The following GLYR1 variants were observed in gnomAD, a reference collection of about 807,000 sequenced individuals.
The protein encoded by GLYR1 is cytokine-like nuclear factor N-PAC.
In GLYR1, 21 loss-of-function variants were observed where a neutral mutation model predicts 72.7. That is an observed-to-expected ratio of 0.29 (90% CI 0.20 to 0.42). The LOEUF (loss-of-function observed/expected upper bound fraction) is 0.42, where lower values mean the gene tolerates loss of function less well. Ranked by LOEUF, GLYR1 falls within the 10% of genes least tolerant of loss-of-function variation. The pLI is 1.00. For synonymous variants in GLYR1, 392 were observed against 270.2 expected, an observed-to-expected ratio of 1.45 and a Z score of -4.42; for missense variants, 594 against 712.1, an observed-to-expected ratio of 0.83 and a Z score of 1.89.
At chr16:4,839,949 C>A (rs897039961) in intron 3 of GLYR1, 4 of 152,178 alleles carry the variant, frequency 2.6e-5, no homozygotes. Flanking sequence ...AGACCCTATC[C>A]ACCTGGGCCA....
At chr16:4,842,566 G>C (rs1567820257) in intron 3 of GLYR1, among the ~76,000 whole-genome samples, 1 of 152,278 alleles carries the variant, frequency 6.6e-6, no homozygotes, top group East Asian at 1.9e-4. Flanking sequence ...TTGCTATGTT[G>C]TCCAGGCTGG....
intron 10 of GLYR1, among the ~76,000 whole-genome samples, chr16:4,815,825 A>C (rs1280345674): frequency 2.0e-5 from 3 of 151,938 alleles, no homozygotes; most frequent in Non-Finnish European, 4.4e-5. Flanking sequence ...GCTGTCGCCC[A>C]GGATGGAGTG....
At chr16:4,823,766 C>G in intron 6 of GLYR1, 55 bp downstream of exon 6, 2 of 1,173,358 alleles carry the variant, frequency 1.7e-6, no homozygotes, top group Non-Finnish European at 2.5e-6. Flanking sequence ...AAAAGGATCA[C>G]ACAGGAACCT....
At chr16:4,837,185 C>T (rs2085192281) in intron 3 of GLYR1, among the ~76,000 whole-genome samples, 1 of 152,162 alleles carries the variant, frequency 6.6e-6, no homozygotes, top group Non-Finnish European at 1.5e-5. Context: ...GCCTGAATCC[C>T]AGCACCTTGG....
At chr16:4,821,258 C>A (rs2084004452) in intron 9 of GLYR1, 122 bp downstream of exon 9, 1 of 951,166 alleles carries the variant, frequency 1.1e-6, no homozygotes, top group East Asian at 2.4e-5. Flanking sequence ...CATCCCCCCA[C>A]CTTTTCCATT....
Position 4,812,209 on chromosome 16 carries a change from C to CG in GLYR1, c.1158dup (p.Val387ArgfsTer9), listed in dbSNP as rs991433094. 6.2e-7 allele frequency: 1 copy of CG among 1,613,908 alleles called. No homozygotes were observed. Among genetic ancestry groups the CG allele is most frequent in the African/African-American group, 1.3e-5 (1 of 74,934 alleles). ...TTAGACAGCTGCTGATTCCCTGAGA[C>CG]GGGGGCTTCCAGAAAGCGCCCCCCC... On this transcript the variant is annotated frameshift_variant, in exon 13 of 16. Transcript: ENST00000321919. LOFTEE classifies it high-confidence loss of function.
intron 15 of GLYR1, among the ~76,000 whole-genome samples, chr16:4,808,790 C>T (rs1596302708): frequency 6.6e-6 from 1 of 151,638 alleles, no homozygotes; most frequent in East Asian, 1.9e-4. Flanking sequence ...GAACTTCTAC[C>T]CTAAAAAGCT....
chr16:4,832,654 C>A, intron 4 of GLYR1, 120 bp downstream of exon 4: 1 of 1,179,758 alleles, frequency 8.5e-7, no homozygotes, highest in Non-Finnish European at 1.2e-6. Context: ...ACTGAAGTAG[C>A]TTTCTCCAGT....
chr16:4,821,190 G>C lies in GLYR1; in HGVS notation c.806+190C>G, dbSNP rs79344433. ...AATCCCTCAGCTTATGCCCAAGGGA[G>C]ACCCGACCACAGATTTACACAGCTT... On this transcript the variant is annotated intron_variant, in intron 9 of 15. Transcript: ENST00000321919. 4.6e-3 allele frequency: 2,952 copies of C among 635,600 alleles called. 17 individuals are homozygous for C. The highest frequency in any genetic ancestry group is 0.015 in the Middle Eastern group (36 of 2,348). 39.4% of individuals were successfully genotyped at this position (635,600 alleles called of 1,614,324 possible).
At chr16:4,821,326 C>G (rs1169070262) in intron 9 of GLYR1, 54 bp downstream of exon 9, 2 of 1,589,714 alleles carry the variant, frequency 1.3e-6, no homozygotes, top group Non-Finnish European at 1.7e-6. Context: ...GTCACCTTCT[C>G]CCCACCCTCA....
At chr16:4,832,672 C>T (rs774263863) in intron 4 of GLYR1, 102 bp downstream of exon 4, 23 of 1,342,190 alleles carry the variant, frequency 1.7e-5, no homozygotes, top group Non-Finnish European at 2.2e-5. Context: ...AGTAGCATTT[C>T]AGAAGAACAA....
At chr16:4,825,129 G>C (rs781096853) in intron 5 of GLYR1, among the ~76,000 whole-genome samples, 1 of 152,174 alleles carries the variant, frequency 6.6e-6, no homozygotes, top group Non-Finnish European at 1.5e-5. Context: ...ACAGCAGCCA[G>C]AGTCAGCTAC....
intron 2 of GLYR1, 50 bp downstream of exon 2, chr16:4,846,124 C>T (rs758091355): frequency 1.1e-4 from 176 of 1,596,060 alleles, no homozygotes; most frequent in Non-Finnish European, 1.5e-4. Context: ...ACATTCTCCA[C>T]CTCTTCAAAC....
In GLYR1 at chr16:4,806,597, GGCTT is replaced by G. The variant is rs569604811; in HGVS notation, c.1588-1291_1588-1288del. Among the ~76,000 whole-genome samples the G allele has an allele frequency of 7.8e-3, 1,176 of 151,416 alleles. 9 individuals carry two copies. Among genetic ancestry groups the G allele is most frequent in the African/African-American group, 0.027 (1,123 of 41,214 alleles). On this transcript the variant is annotated intron_variant, in intron 15 of 15. Transcript: ENST00000321919. The stretch of plus-strand genomic sequence containing the variant: ...TGCCCAGGCTGGTCTCAAACTCCTG[GGCTT>G]GCTTAAGCCTCGACCCTGCCTCGAC...
chr16:4,811,813 TAA>T lies in GLYR1; in HGVS notation c.1283-13_1283-12del, dbSNP rs1567660537. ...CATTGCCCACTTCACCTGCCCAGGG[TAA>T]AGACTCACGGTCACAGCCCAAGAAT... On this transcript the variant is annotated splice_polypyrimidine_tract_variant and intron_variant, in intron 13 of 15. Transcript: ENST00000321919. 1 of 1,608,990 alleles carries T rather than the reference TAA, an allele frequency of 6.2e-7. No homozygotes were observed. The highest frequency in any genetic ancestry group is 8.5e-7 in the Non-Finnish European group (1 of 1,176,640).
At chr16:4,823,553 C>T (rs1050615400) in intron 6 of GLYR1, among the ~76,000 whole-genome samples, 2 of 151,750 alleles carry the variant, frequency 1.3e-5, no homozygotes, top group Admixed American at 1.3e-4. Context: ...GAACCCTGCC[C>T]AAAATAAAAA....
intron 9 of GLYR1, 84 bp from the exon 10 acceptor site, chr16:4,817,781 C>A: frequency 1.2e-6 from 1 of 848,254 alleles, no homozygotes; most frequent in South Asian, 1.4e-5. Context: ...AGGCTCGCTC[C>A]CTTATACAGC....
At chr16:4,827,467 C>T (rs1158935513) in intron 5 of GLYR1, among the ~76,000 whole-genome samples, 1 of 152,122 alleles carries the variant, frequency 6.6e-6, no homozygotes, top group East Asian at 1.9e-4. Context: ...CCAGGTGAAG[C>T]ACAAAGAACA....
Position 4,847,054 on chromosome 16 carries a change from C to T in GLYR1, c.38+174G>A, listed in dbSNP as rs1330843780. 9.8e-6 allele frequency: 6 copies of T among 613,580 alleles called. 1 individual carries two copies. Among genetic ancestry groups the T allele is most frequent in the South Asian group, 6.0e-5 (3 of 50,362 alleles). 38.0% of individuals were successfully genotyped at this position (613,580 alleles called of 1,614,324 possible). A position where few individuals can be genotyped will look rare whatever the true frequency, so the allele number is the denominator to read the frequency against. On this transcript the variant is annotated intron_variant, in intron 1 of 15. Coordinates refer to ENST00000321919, the MANE Select transcript of GLYR1 (RefSeq NM_032569.4). ...GTGGCCACCCTCGGCCTCGGTCCCCCGGGACTGGACTGCCCCTTCCGCCTG... is the reference window on the plus strand; with the variant it reads ...GTGGCCACCCTCGGCCTCGGTCCCCTGGGACTGGACTGCCCCTTCCGCCTG...
Sources: allele counts gnomAD v4.1 joint callset (sites outside exome capture counted in the v4.1 genomes callset), GRCh38; gene constraint gnomAD v4.1.1; transcripts MANE v1.5; gene names NCBI Gene and HGNC (gene_info 2026-07-23, HGNC 2026-07-21).